Variants in SHQ1 observed in about 807,000 individuals in gnomAD.
SHQ1 encodes the protein SHQ1, H/ACA ribonucleoprotein assembly factor, also known as protein SHQ1 homolog.
In SHQ1, 49 loss-of-function variants were observed where a neutral mutation model predicts 53.8. The observed-to-expected ratio is 0.91, with a 90% CI of 0.72 to 1.16. SHQ1 has a LOEUF of 1.16. Among genes scored for constraint, SHQ1 ranks in the 50% most tolerant of loss-of-function variants. SHQ1 has a pLI of 0.00. For missense variants in SHQ1, 738 were observed against 683.1 expected, an observed-to-expected ratio of 1.08 and a Z score of -0.90; for synonymous variants, 243 against 251.0, an observed-to-expected ratio of 0.97 and a Z score of 0.30.
chr3:72,777,551 G>A (rs1352847864), intron 10 of SHQ1, among the ~76,000 whole-genome samples: 1 of 152,182 alleles, frequency 6.6e-6, no homozygotes, highest in Non-Finnish European at 1.5e-5. Context: ...TGTAAGTGTT[G>A]GCATGAAGGT....
At chr3:72,756,195 G>A (rs1705495201) in intron 10 of SHQ1, among the ~76,000 whole-genome samples, 1 of 152,114 alleles carries the variant, frequency 6.6e-6, no homozygotes, top group East Asian at 1.9e-4. Flanking sequence ...CGGCAGCCCT[G>A]GGCATGGTAC....
intron 1 of SHQ1, 36 bp downstream of exon 1, chr3:72,848,162 A>G (rs762618344): frequency 2.5e-6 from 4 of 1,613,364 alleles, no homozygotes; most frequent in Non-Finnish European, 3.4e-6. Flanking sequence ...TATCTAACGA[A>G]TGCGCCTTTC....
chr3:72,806,856 T>C lies in SHQ1; in HGVS notation c.1060+5815A>G, dbSNP rs114553946. On this transcript the variant is annotated intron_variant, in intron 9 of 10. Coordinates refer to ENST00000325599, the MANE Select transcript of SHQ1 (RefSeq NM_018130.3). ...TCTTTTTTGAACTACTTAATCCACA[T>C]TTCTTGTAAGGCACTTACCACGGCT... is the stretch of plus-strand genomic sequence containing the variant. Among the ~76,000 whole-genome samples the C allele has an allele frequency of 2.0e-3, 308 of 152,286 alleles. 2 individuals carry two copies. The highest frequency in any genetic ancestry group is 6.8e-3 in the African/African-American group (283 of 41,560).
At chr3:72,755,883 C>A (rs60228315) in intron 10 of SHQ1, among the ~76,000 whole-genome samples, 33,513 of 152,140 alleles carry the variant, frequency 0.22, 3,913 homozygotes, top group Non-Finnish European at 0.24. Flanking sequence ...ACCACTCTTA[C>A]AAACATCAGG....
chr3:72,846,257 G>C lies in SHQ1; in HGVS notation c.144-1834C>G, dbSNP rs763891020. On this transcript the variant is annotated intron_variant, in intron 1 of 10. Coordinates refer to ENST00000325599, the MANE Select transcript of SHQ1 (RefSeq NM_018130.3). ...ACAGTCTCCATTCTTCAAGGAGAGG[G>C]ACCAGGTTTTATTCATCCTTGGTAT... The C allele has an allele frequency of 3.6e-5, 56 of 1,535,272 alleles. No homozygotes were observed. The African/African-American group carries it at 7.0e-4, about 19-fold the overall frequency.
chr3:72,737,202 C>T, the SHQ1 span, among the ~76,000 whole-genome samples: 1 of 152,020 alleles, frequency 6.6e-6, no homozygotes, highest in Non-Finnish European at 1.5e-5. Context: ...TGCTTGAACC[C>T]AGGAGGTAGA....
chr3:72,730,535 C>A, the SHQ1 span, among the ~76,000 whole-genome samples: 1 of 152,176 alleles, frequency 6.6e-6, no homozygotes, highest in Admixed American at 6.5e-5. Flanking sequence ...CTTAAAATGC[C>A]TCTGCTGTAG....
intron 10 of SHQ1, 104 bp downstream of exon 10, chr3:72,792,808 AAAAC>A: frequency 1.7e-5 from 14 of 813,908 alleles, no homozygotes; most frequent in East Asian, 6.4e-5. Flanking sequence ...AAAAAAAAAA[AAAAC>A]ACAACTTACT....
Position 72,814,163 on chromosome 3 carries a change from G to A in SHQ1, c.936+1187C>T, listed in dbSNP as rs77057598. On this transcript the variant is annotated intron_variant, in intron 8 of 10. Coordinates refer to ENST00000325599, the MANE Select transcript of SHQ1 (RefSeq NM_018130.3). ...CTTAGTATTTGACATAATTTAAAGA[G>A]AATTAGGAACTTAAAAATCATAAAT... 5.1e-3 allele frequency among the ~76,000 whole-genome samples: 778 copies of A among 152,238 alleles called. 9 individuals are homozygous for A. Among genetic ancestry groups the A allele is most frequent in the African/African-American group, 0.018 (748 of 41,538 alleles).
At chr3:72,828,182 C>A (rs1165772577) in intron 5 of SHQ1, among the ~76,000 whole-genome samples, 2 of 152,144 alleles carry the variant, frequency 1.3e-5, no homozygotes, top group African/African-American at 2.4e-5. Context: ...TAAGGAGAAC[C>A]ATGTACACAA....
chr3:72,747,191 A>G (rs765350985), downstream of SHQ1, among the ~76,000 whole-genome samples: 16 of 152,196 alleles, frequency 1.1e-4, no homozygotes, highest in Non-Finnish European at 1.9e-4. Context: ...TTATTTGTTC[A>G]TTCATTCAAC....
At position 72,841,070 on chromosome 3, in the gene SHQ1, C is replaced by A. The variant is rs752101890; in HGVS notation, c.461G>T (p.Arg154Leu). 5.0e-6 allele frequency: 8 copies of A among 1,613,724 alleles called. No individual in the cohort carries two copies. Among genetic ancestry groups the A allele is most frequent in the East Asian group, 2.2e-5 (1 of 44,854 alleles). ...PQCHYGFGNLRSGVLQRLQDE... is the reference protein window; with the variant it reads ...PQCHYGFGNLLSGVLQRLQDE... ...CTGTAACCGTTGCAACACTCCTGAT[C>A]GTAAGTTTCCAAATCCATAGTGGCA... is the stretch of plus-strand genomic sequence containing the variant. The change falls in exon 4 of 11, where the codon CGA becomes CTA. Residue 154 changes from arginine to leucine, a missense_variant. Transcript: ENST00000325599.
chr3:72,757,471 A>G (rs11927126), intron 10 of SHQ1, among the ~76,000 whole-genome samples: 51,040 of 150,514 alleles, frequency 0.34, 10,577 homozygotes, highest in African/African-American at 0.59. Context: ...CCACAATACA[A>G]TGTTGAACTA....
chr3:72,817,311 G>A lies in SHQ1; in HGVS notation c.801C>T (p.Ala267=). 2 of 1,613,874 alleles carry A rather than the reference G, an allele frequency of 1.2e-6. No individual in the cohort carries two copies. The highest frequency in any genetic ancestry group is 1.7e-6 in the Non-Finnish European group (2 of 1,179,822). The change falls in exon 7 of 11, where the codon GCC becomes GCT. Residue 267 remains alanine, a synonymous_variant. Transcript: ENST00000325599. The stretch of plus-strand genomic sequence containing the variant: ...TCAAACTGTAGCACACTTGACGACA[G>A]GCTCTCTTGTCCAGCAGATAAGATT... ...VNKSYLLDKR[A]CRQVCYSLID...
At chr3:72,845,690 A>C (rs947715069) in intron 1 of SHQ1, among the ~76,000 whole-genome samples, 12 of 152,290 alleles carry the variant, frequency 7.9e-5, no homozygotes, top group African/African-American at 2.2e-4. Flanking sequence ...GGCCCACTCC[A>C]TATCATTCCA....
Position 72,841,123 on chromosome 3 carries a change from C to T in SHQ1, c.408G>A (p.Glu136=). ...DWEIEQTPCE[E]VSESALNPQC... ...GCGGATTCAAAGCACTTTCTGATAC[C>T]TCTTCACAGGGTGTCTGCTCAATTT... Residue 136 remains glutamate (E), a synonymous_variant, in exon 4 of 11, where the codon GAG becomes GAA. Coordinates refer to ENST00000325599, the MANE Select transcript of SHQ1 (RefSeq NM_018130.3). 1.2e-6 allele frequency: 2 copies of T among 1,613,998 alleles called. No homozygotes were observed. Among genetic ancestry groups the T allele is most frequent in the African/African-American group, 1.3e-5 (1 of 75,048 alleles).
At chr3:72,818,750 G>C (rs988320943) in intron 6 of SHQ1, among the ~76,000 whole-genome samples, 2 of 152,138 alleles carry the variant, frequency 1.3e-5, no homozygotes, top group African/African-American at 4.8e-5. Flanking sequence ...CAAAGCCAGG[G>C]ACTCGCCTGC....
chr3:72,734,991 G>T, the SHQ1 span, among the ~76,000 whole-genome samples: 1 of 151,520 alleles, frequency 6.6e-6, no homozygotes, highest in African/African-American at 2.4e-5. Flanking sequence ...TTCTCAGTGG[G>T]GTTCCTGCCA....
rs1705337654 is a variant in SHQ1 at position 72,750,370 on chromosome 3, C to A, written c.1648G>T (p.Val550Phe). 1 of 1,614,170 alleles carries A rather than the reference C, an allele frequency of 6.2e-7. No homozygotes were observed. The highest frequency in any genetic ancestry group is 8.5e-7 in the Non-Finnish European group (1 of 1,180,042). The change falls in exon 11 of 11, where the codon GTT (valine) becomes TTT (phenylalanine). Residue 550 changes from valine (V) to phenylalanine (F), a missense_variant. Physicochemically the swap from Val to Phe is conservative, Grantham distance 50 (BLOSUM62 -1). Coordinates refer to ENST00000325599, the MANE Select transcript of SHQ1 (RefSeq NM_018130.3). Reference sequence around the variant, plus strand: ...GTGCCCTTGGGTTCAGAAACCTGAACTGTAGTCTTCAGTTGTTCCCCAAGC... The same window carrying A: ...GTGCCCTTGGGTTCAGAAACCTGAAATGTAGTCTTCAGTTGTTCCCCAAGC... ...EELGEQLKTT[V>F]QVSEPKGTTA...
Sources: allele counts gnomAD v4.1 joint callset (sites outside exome capture counted in the v4.1 genomes callset), GRCh38; gene constraint gnomAD v4.1.1; transcripts MANE v1.5; gene names NCBI Gene and HGNC (gene_info 2026-07-23, HGNC 2026-07-21).